Variants in XXYLT1 observed in about 807,000 individuals in gnomAD.
XXYLT1 encodes the protein xyloside xylosyltransferase 1.
Under a neutral mutation model 28.9 loss-of-function variants are expected in XXYLT1, and 20 were observed. The ratio of observed to expected loss-of-function variants is 0.69; its 90% CI spans 0.49 to 1.00. The LOEUF (loss-of-function observed/expected upper bound fraction) is 1.00, where lower values mean the gene tolerates loss of function less well. XXYLT1 is among the 50% of genes least tolerant of loss of function. XXYLT1 has a pLI of 0.00. For synonymous variants in XXYLT1, 257 were observed against 253.8 expected, an observed-to-expected ratio of 1.01 and a Z score of -0.12; for missense variants, 542 against 560.1, an observed-to-expected ratio of 0.97 and a Z score of 0.33.
Position 195,216,040 on chromosome 3 carries a change from A to G in XXYLT1, c.652+10669T>C, listed in dbSNP as rs568202461. On this transcript the variant is annotated intron_variant, in intron 2 of 3. Coordinates refer to ENST00000310380, the MANE Select transcript of XXYLT1 (RefSeq NM_152531.5). ...ATCTCACTCAAAACCGCTCAACTAC[A>G]TGGAAACTGAACAACCTGCTCCTGA... 2.5e-3 allele frequency among the ~76,000 whole-genome samples: 378 copies of G among 151,664 alleles called. 2 individuals carry two copies. The highest frequency in any genetic ancestry group is 8.4e-3 in the African/African-American group (346 of 41,358).
chr3:195,166,042 G>A (rs1721102861), intron 2 of XXYLT1, among the ~76,000 whole-genome samples: 1 of 152,044 alleles, frequency 6.6e-6, no homozygotes, highest in Admixed American at 6.6e-5. Context: ...GACACAGGAA[G>A]GTGGGGAAGT....
chr3:195,170,283 A>G (rs970855059), intron 2 of XXYLT1, among the ~76,000 whole-genome samples: 1 of 152,356 alleles, frequency 6.6e-6, no homozygotes, highest in East Asian at 1.9e-4. Context: ...ATGGACATAT[A>G]TTGCTTTTGA....
chr3:195,130,219 C>G (rs1450142622), intron 3 of XXYLT1, among the ~76,000 whole-genome samples: 1 of 152,216 alleles, frequency 6.6e-6, no homozygotes. Flanking sequence ...TCAGGTACAG[C>G]CCCAGCATGC....
At chr3:195,085,086 C>T (rs1715646408) in intron 3 of XXYLT1, among the ~76,000 whole-genome samples, 1 of 152,184 alleles carries the variant, frequency 6.6e-6, no homozygotes, top group South Asian at 2.1e-4. Flanking sequence ...GCAAGGATGA[C>T]CCCCATGGGA....
chr3:195,230,426 T>C (rs1331007923), intron 1 of XXYLT1, among the ~76,000 whole-genome samples: 2 of 152,240 alleles, frequency 1.3e-5, no homozygotes, highest in African/African-American at 4.8e-5. Context: ...TGATTGCCTA[T>C]GCCTGTGGTG....
chr3:195,085,200 C>G (rs979058817), intron 3 of XXYLT1, among the ~76,000 whole-genome samples: 2 of 152,206 alleles, frequency 1.3e-5, no homozygotes, highest in Non-Finnish European at 2.9e-5. Context: ...AGTGAGGTCC[C>G]TGGAGAACAG....
At chr3:195,186,987 T>C (rs1304872362) in intron 2 of XXYLT1, among the ~76,000 whole-genome samples, 1 of 149,410 alleles carries the variant, frequency 6.7e-6, no homozygotes, top group African/African-American at 2.5e-5. Flanking sequence ...CTCCACCTCC[T>C]GGGTTCAAGT....
At chr3:195,189,435 A>G (rs1333516600) in intron 2 of XXYLT1, among the ~76,000 whole-genome samples, 3 of 152,236 alleles carry the variant, frequency 2.0e-5, no homozygotes, top group Non-Finnish European at 4.4e-5. Flanking sequence ...CAAAAAAGGA[A>G]TTATAAGAGA....
chr3:195,071,998 G>A (rs1167529442), intron 3 of XXYLT1, among the ~76,000 whole-genome samples: 1 of 151,328 alleles, frequency 6.6e-6, no homozygotes, highest in African/African-American at 2.5e-5. Context: ...CGGAGCCCAC[G>A]TGTCCATCTT....
intron 2 of XXYLT1, among the ~76,000 whole-genome samples, chr3:195,169,321 C>T (rs922521069): frequency 3.3e-5 from 5 of 152,230 alleles, no homozygotes; most frequent in Non-Finnish European, 4.4e-5. Flanking sequence ...CAGGCTGAAA[C>T]GGCAGGGCCT....
intron 3 of XXYLT1, among the ~76,000 whole-genome samples, chr3:195,100,762 C>G (rs1413373813): frequency 6.6e-6 from 1 of 152,356 alleles, no homozygotes; most frequent in South Asian, 2.1e-4. Context: ...TCCTCGCCCC[C>G]AAGCCTTGGA....
intron 1 of XXYLT1, among the ~76,000 whole-genome samples, chr3:195,237,744 A>T (rs1013159306): frequency 2.0e-5 from 3 of 152,006 alleles, no homozygotes; most frequent in Admixed American, 6.5e-5. Flanking sequence ...AAGCCTTTTT[A>T]AAAATGTCTT....
Position 195,129,062 on chromosome 3 carries a change from A to T in XXYLT1, c.785+27387T>A, listed in dbSNP as rs1374388154. On this transcript the variant is annotated intron_variant, in intron 3 of 3. Transcript: ENST00000310380. This position sits in a 1 kb window ranked among gnomAD's most constrained non-coding sequence, Gnocchi z 4.4. ...AAAAATTTTCATCTTTTAAAAAATG[A>T]CTTTATACAGATCTGTCAGTACTTA... Among the ~76,000 whole-genome samples, 1 of 152,214 alleles carries T rather than the reference A, an allele frequency of 6.6e-6. No individual in the cohort carries two copies. The highest frequency in any genetic ancestry group is 1.5e-5 in the Non-Finnish European group (1 of 68,034).
At chr3:195,234,083 A>AT (rs34281713) in intron 1 of XXYLT1, among the ~76,000 whole-genome samples, 2,333 of 140,592 alleles carry the variant, frequency 0.017, 60 homozygotes, top group African/African-American at 0.053. Flanking sequence ...CGCCCAGCTA[A>AT]TTTTTTTTTT....
At chr3:195,265,019 T>C (rs1395575119) in intron 1 of XXYLT1, among the ~76,000 whole-genome samples, 1 of 151,738 alleles carries the variant, frequency 6.6e-6, no homozygotes, top group Non-Finnish European at 1.5e-5. Flanking sequence ...ATCACACCAC[T>C]GTGCTCTACT....
At chr3:195,260,055 C>A (rs923790992) in intron 1 of XXYLT1, 6 of 152,496 alleles carry the variant, frequency 3.9e-5, no homozygotes, top group African/African-American at 1.2e-4. Context: ...GCAGCCCCGC[C>A]GACTGCCTTT....
chr3:195,137,391 T>C (rs749142024), intron 3 of XXYLT1, among the ~76,000 whole-genome samples: 13 of 152,208 alleles, frequency 8.5e-5, no homozygotes, highest in Non-Finnish European at 1.6e-4. Context: ...ACCTTTGCCA[T>C]TGGGCTTTCG....
At chr3:195,231,471 A>G (rs1416617777) in intron 1 of XXYLT1, among the ~76,000 whole-genome samples, 2 of 152,094 alleles carry the variant, frequency 1.3e-5, no homozygotes, top group Non-Finnish European at 2.9e-5. Context: ...ATCTTAGAGG[A>G]AAGGCTTTCA....
chr3:195,245,562 G>A (rs143607942), intron 1 of XXYLT1, among the ~76,000 whole-genome samples: 57 of 152,252 alleles, frequency 3.7e-4, no homozygotes, highest in African/African-American at 1.7e-4. Flanking sequence ...TAATTTGAGC[G>A]GCAGCTGAAG....
Sources: allele counts gnomAD v4.1 joint callset (sites outside exome capture counted in the v4.1 genomes callset), GRCh38; gene constraint gnomAD v4.1.1; non-coding constraint Gnocchi (gnomAD v3.1); transcripts MANE v1.5; gene names NCBI Gene and HGNC (gene_info 2026-07-23, HGNC 2026-07-21).